ANKDD1B: variants seen among roughly 807,000 people sequenced by gnomAD.
ANKDD1B encodes ankyrin repeat and death domain containing 1B, also known as ankyrin repeat and death domain-containing protein 1B.
Under a neutral mutation model 59.7 loss-of-function variants are expected in ANKDD1B, and 57 were observed. That is an observed-to-expected ratio of 0.95 (90% CI 0.77 to 1.19). The LOEUF (loss-of-function observed/expected upper bound fraction) is 1.19, where lower values mean the gene tolerates loss of function less well. ANKDD1B is among the 50% of genes most tolerant of loss of function. ANKDD1B has a pLI of 0.00. For missense variants in ANKDD1B, 602 were observed against 641.9 expected, an observed-to-expected ratio of 0.94 and a Z score of 0.67; for synonymous variants, 216 against 239.5, an observed-to-expected ratio of 0.90 and a Z score of 0.91.
intron 13 of ANKDD1B, among the ~76,000 whole-genome samples, chr5:75,669,899 A>G (rs1353644781): frequency 1.3e-5 from 2 of 152,256 alleles, no homozygotes; most frequent in Non-Finnish European, 2.9e-5. Flanking sequence ...CCATATTGTC[A>G]GGAAAGATCC....
intron 13 of ANKDD1B, 52 bp from the exon 14 acceptor site, chr5:75,670,927 T>C (rs980253187): frequency 1.5e-6 from 1 of 661,708 alleles, no homozygotes; most frequent in Non-Finnish European, 2.1e-6. Context: ...TGGTAGACAA[T>C]CAGTGCTTTA....
intron 7 of ANKDD1B, among the ~76,000 whole-genome samples, chr5:75,648,004 A>C (rs1437905882): frequency 8.1e-6 from 1 of 122,996 alleles, no homozygotes; most frequent in Non-Finnish European, 1.6e-5. Flanking sequence ...TCACAAGAAC[A>C]AAAAACCAAA....
chr5:75,618,705 A>G (rs772084072), intron 2 of ANKDD1B, among the ~76,000 whole-genome samples: 8 of 152,192 alleles, frequency 5.3e-5, no homozygotes, highest in Non-Finnish European at 8.8e-5. Flanking sequence ...GCAAAGCTCC[A>G]GATTTCAGAC....
intron 2 of ANKDD1B, among the ~76,000 whole-genome samples, chr5:75,617,932 G>GT: frequency 6.6e-6 from 1 of 152,212 alleles, no homozygotes; most frequent in Middle Eastern, 3.4e-3. Flanking sequence ...TGTGGCGGCA[G>GT]TAGGGGGGTG....
At chr5:75,624,967 T>C (rs1219794745) in intron 3 of ANKDD1B, among the ~76,000 whole-genome samples, 1 of 152,246 alleles carries the variant, frequency 6.6e-6, no homozygotes, top group Non-Finnish European at 1.5e-5. Context: ...TTGCATTATA[T>C]AGTCTGACTA....
intron 9 of ANKDD1B, 59 bp from the exon 10 acceptor site, chr5:75,659,224 A>G (rs750528865): frequency 4.0e-6 from 5 of 1,259,092 alleles, no homozygotes; most frequent in Non-Finnish European, 5.6e-6. Context: ...TAGGATGGCT[A>G]TACTTTCCAT....
In ANKDD1B at chr5:75,611,772, C is replaced by T; in HGVS notation, c.138C>T (p.Ile46=). 1 of 1,232,016 alleles carries T rather than the reference C, an allele frequency of 8.1e-7. No individual in the cohort carries two copies. The highest frequency in any genetic ancestry group is 1.0e-6 in the Non-Finnish European group (1 of 988,106). The allele number at this position is 1,232,016 out of a possible 1,614,324, so 76.3% of individuals were successfully genotyped here. A position where few individuals can be genotyped will look rare whatever the true frequency, so the allele number is the denominator to read the frequency against. The change falls in exon 1 of 14, where the codon ATC becomes ATT. Residue 46 remains isoleucine, a synonymous_variant. Transcript: ENST00000601380. ...TGCCTTGGAGGAGCCTGTCCCGGATCCCGAAGCGGGAGGGTCTTGGAGAGG... is the reference window on the plus strand; with the variant it reads ...TGCCTTGGAGGAGCCTGTCCCGGATTCCGAAGCGGGAGGGTCTTGGAGAGG... The part of the protein sequence containing the change: ...AALPWRSLSR[I]PKREGLGEED...
rs537583227 is a variant in ANKDD1B at position 75,632,228 on chromosome 5, C to T, written c.601-2670C>T. On this transcript the variant is annotated intron_variant, in intron 5 of 13. Transcript: ENST00000601380. ...GCCATCTAGTCAAAGGTGACAGAAA[C>T]TCAACCCAAACCATACTAAGGAAAG... Among the ~76,000 whole-genome samples the T allele has an allele frequency of 3.9e-5, 6 of 152,116 alleles. No individual in the cohort carries two copies. The East Asian group carries it at 1.2e-3, about 29-fold the overall frequency.
intron 5 of ANKDD1B, among the ~76,000 whole-genome samples, chr5:75,627,289 A>AT (rs921309137): frequency 6.6e-5 from 10 of 151,784 alleles, no homozygotes; most frequent in Non-Finnish European, 1.0e-4. Flanking sequence ...CCCACATATA[A>AT]TTTTTTTTTA....
chr5:75,653,188 C>T lies in ANKDD1B; in HGVS notation c.845C>T (p.Ser282Phe). The change falls in exon 8 of 14, where the codon TCC becomes TTC. Residue 282 changes from serine (S) to phenylalanine (F), a missense_variant. By Grantham distance (155) the Ser-to-Phe change is radical (BLOSUM62 -2). Around this residue, in one of 3 missense-constraint regions of ANKDD1B, gnomAD observed 280 missense variants for 319.8 expected, o/e 0.88. Coordinates refer to ENST00000601380, the MANE Select transcript of ANKDD1B (RefSeq NM_001276713.2). Reference protein sequence around the residue: ...LQIATRNGHASLVNFLLSENV... With the variant: ...LQIATRNGHAFLVNFLLSENV... Reference sequence around the variant, plus strand: ...ATAGCAACCAGGAACGGCCATGCATCCCTTGTCAACTTTCTTCTCAGTGAG... The same window carrying T: ...ATAGCAACCAGGAACGGCCATGCATTCCTTGTCAACTTTCTTCTCAGTGAG... 3 of 1,536,134 alleles carry T rather than the reference C, an allele frequency of 2.0e-6. No individual in the cohort carries two copies. The highest frequency in any genetic ancestry group is 2.6e-6 in the Non-Finnish European group (3 of 1,146,908).
chr5:75,652,854 T>C (rs1774867072), intron 7 of ANKDD1B, among the ~76,000 whole-genome samples: 1 of 152,208 alleles, frequency 6.6e-6, no homozygotes, highest in African/African-American at 2.4e-5. Flanking sequence ...ACCTAGATGG[T>C]ACAGCCTACA....
In ANKDD1B at chr5:75,620,345, G is replaced by A; in HGVS notation, c.328G>A (p.Gly110Arg). The change falls in exon 3 of 14, where the codon GGG (glycine) becomes AGG (arginine). Residue 110 changes from glycine to arginine, a missense_variant. Transcript: ENST00000601380. ...CCGCACAGCCCTGCATTTTGCAGTG[G>A]GGAGAAATCATTTATCTGCAGTGGA... ...MNRTALHFAVGRNHLSAVDFL... is the reference protein window; with the variant it reads ...MNRTALHFAVRRNHLSAVDFL... 6.5e-7 allele frequency: 1 copy of A among 1,534,460 alleles called. No homozygotes were observed. Among genetic ancestry groups the A allele is most frequent in the African/African-American group, 1.4e-5 (1 of 73,112 alleles).
At chr5:75,670,602 T>C (rs1033177949) in intron 13 of ANKDD1B, among the ~76,000 whole-genome samples, 1 of 152,222 alleles carries the variant, frequency 6.6e-6, no homozygotes, top group Admixed American at 6.5e-5. Context: ...TTATGTAAAA[T>C]TGAAGAAGTG....
rs1775488163 is a variant in ANKDD1B at position 75,671,628 on chromosome 5, T to C, written c.*588T>C. ...GAGAAACTGGGTTTGGAATTTATAG[T>C]CATTGTTGACTTTAAATCACACATT... On this transcript the variant is annotated 3_prime_UTR_variant, in exon 14 of 14. Coordinates refer to ENST00000601380, the MANE Select transcript of ANKDD1B (RefSeq NM_001276713.2). 1 of 152,118 alleles carries C rather than the reference T, an allele frequency of 6.6e-6. No individual in the cohort carries two copies. The highest frequency in any genetic ancestry group is 1.5e-5 in the Non-Finnish European group (1 of 68,020). 9.4% of individuals were successfully genotyped at this position (152,118 alleles called of 1,614,324 possible). A position where few individuals can be genotyped will look rare whatever the true frequency, so the allele number is the denominator to read the frequency against.
intron 8 of ANKDD1B, among the ~76,000 whole-genome samples, chr5:75,655,411 G>A (rs911980553): frequency 3.3e-5 from 5 of 152,214 alleles, no homozygotes; most frequent in African/African-American, 1.2e-4. Flanking sequence ...GGCACACTGA[G>A]GAGTCGGGGC....
chr5:75,622,500 G>A (rs1350265997), intron 3 of ANKDD1B, among the ~76,000 whole-genome samples: 6 of 152,120 alleles, frequency 3.9e-5, no homozygotes, highest in African/African-American at 1.4e-4. Flanking sequence ...CAGCAACCCC[G>A]AGTCCTGGGA....
chr5:75,651,311 A>G (rs1388984263), intron 7 of ANKDD1B, among the ~76,000 whole-genome samples: 1 of 152,238 alleles, frequency 6.6e-6, no homozygotes, highest in Non-Finnish European at 1.5e-5. Flanking sequence ...ATGTGAAAAT[A>G]CTTTGTAGCA....
chr5:75,613,036 T>C (rs1448917876), intron 1 of ANKDD1B, among the ~76,000 whole-genome samples: 1 of 152,186 alleles, frequency 6.6e-6, no homozygotes. Context: ...TGTTCCTCTG[T>C]GTCAAAGTTG....
At chr5:75,619,847 T>G (rs1353710035) in intron 2 of ANKDD1B, among the ~76,000 whole-genome samples, 1 of 152,234 alleles carries the variant, frequency 6.6e-6, no homozygotes, top group Non-Finnish European at 1.5e-5. Flanking sequence ...CAGAAGGAAT[T>G]TATTTGCTTC....
Sources: gnomAD v4.1 joint callset for allele counts (sites outside exome capture counted in the v4.1 genomes callset) on GRCh38, gnomAD v4.1.1 for gene constraint, gnomAD v4.1.1 regional missense constraint, MANE v1.5 for transcripts, NCBI Gene and HGNC (gene_info 2026-07-23, HGNC 2026-07-21) for gene names.